MACROD2: variants seen among roughly 807,000 people sequenced by gnomAD.
MACROD2 encodes ADP-ribose glycohydrolase MACROD2.
Under a neutral mutation model 70.4 loss-of-function variants are expected in MACROD2, and 36 were observed. The ratio of observed to expected loss-of-function variants is 0.51; its 90% CI spans 0.39 to 0.68. MACROD2 has a LOEUF of 0.68. MACROD2 is among the 30% of genes least tolerant of loss of function. The pLI is 0.00. For synonymous variants in MACROD2, 172 were observed against 178.8 expected (o/e 0.96, Z 0.30); for missense variants, 496 against 538.4 (o/e 0.92, Z 0.78).
intron 12 of MACROD2, among the ~76,000 whole-genome samples, chr20:15,966,662 A>T (rs552212599): frequency 6.6e-6 from 1 of 152,324 alleles, no homozygotes; most frequent in African/African-American, 2.4e-5. Flanking sequence ...GGATCGCTTG[A>T]GCCCAGGAGT....
intron 4 of MACROD2, among the ~76,000 whole-genome samples, chr20:14,599,417 C>G (rs1982342718): frequency 6.6e-6 from 1 of 152,018 alleles, no homozygotes; most frequent in Non-Finnish European, 1.5e-5. Context: ...TGAAAGACAT[C>G]AGTGGAGTAA....
intron 17 of MACROD2, 82 bp from the exon 18 acceptor site, chr20:16,049,748 G>T (rs1238843745): frequency 2.2e-6 from 3 of 1,391,432 alleles, no homozygotes; most frequent in South Asian, 1.2e-5. Context: ...CATTTAAATG[G>T]CTGTATTAAA....
chr20:15,329,990 A>G (rs1232835941), intron 6 of MACROD2, among the ~76,000 whole-genome samples: 1 of 152,022 alleles, frequency 6.6e-6, no homozygotes, highest in African/African-American at 2.4e-5. Context: ...ATCTCTGAAG[A>G]CACCGGGACA....
At chr20:15,479,265 CTT>C (rs767435610) in intron 7 of MACROD2, among the ~76,000 whole-genome samples, 11 of 87,772 alleles carry the variant, frequency 1.3e-4, no homozygotes, top group African/African-American at 4.4e-4. Flanking sequence ...TTCTCGCTCT[CTT>C]TTTTTTTTTT....
chr20:15,540,717 A>T lies in MACROD2; in HGVS notation c.645+40870A>T, dbSNP rs371321778. On this transcript the variant is annotated intron_variant, in intron 8 of 17. Transcript: ENST00000684519. ...GAGGCTGGCAGTCTAAACTCAAGGT[A>T]TCGGCAGGGTTCCTTCTTTTTGAGG... Among the ~76,000 whole-genome samples, 22 of 152,204 alleles carry T rather than the reference A, an allele frequency of 1.4e-4. No individual in the cohort carries two copies. The East Asian group carries it at 2.3e-3, about 16-fold the overall frequency.
At chr20:15,703,145 G>C (rs1337621623) in intron 8 of MACROD2, among the ~76,000 whole-genome samples, 1 of 152,176 alleles carries the variant, frequency 6.6e-6, no homozygotes, top group Admixed American at 6.5e-5. Context: ...ATTAATCCAA[G>C]ATTGATTAAA....
At chr20:14,595,434 C>T (rs1226478123) in intron 4 of MACROD2, among the ~76,000 whole-genome samples, 1 of 152,162 alleles carries the variant, frequency 6.6e-6, no homozygotes, top group Non-Finnish European at 1.5e-5. Context: ...TTCTGTGGCT[C>T]CATCCCAGTG....
At chr20:14,871,957 A>C (rs2073493341) in intron 5 of MACROD2, among the ~76,000 whole-genome samples, 1 of 152,170 alleles carries the variant, frequency 6.6e-6, no homozygotes, top group South Asian at 2.1e-4. Context: ...GGTTCAATTC[A>C]GGAAGAAGAT....
chr20:15,331,196 C>T (rs1020188847), intron 6 of MACROD2, among the ~76,000 whole-genome samples: 2 of 151,640 alleles, frequency 1.3e-5, no homozygotes, highest in African/African-American at 4.9e-5. Flanking sequence ...CATTATTTTA[C>T]AGAAGCTCAT....
intron 8 of MACROD2, among the ~76,000 whole-genome samples, chr20:15,771,595 A>G (rs945625741): frequency 3.9e-5 from 6 of 152,046 alleles, no homozygotes; most frequent in Non-Finnish European, 7.4e-5. Context: ...CTGTATACAT[A>G]TGGAAAATTA....
intron 5 of MACROD2, among the ~76,000 whole-genome samples, chr20:14,756,928 T>C (rs894505706): frequency 6.6e-6 from 1 of 152,100 alleles, no homozygotes; most frequent in African/African-American, 2.4e-5. Flanking sequence ...TTTCTCATTC[T>C]TCTCTCTCCT....
chr20:14,981,430 A>G (rs770472688), intron 5 of MACROD2, among the ~76,000 whole-genome samples: 38 of 92,990 alleles, frequency 4.1e-4, no homozygotes, highest in Non-Finnish European at 8.1e-5. Context: ...ATATATGTAT[A>G]TGTATATATA....
At chr20:14,346,564 G>A (rs1601514374) in intron 3 of MACROD2, among the ~76,000 whole-genome samples, 1 of 152,260 alleles carries the variant, frequency 6.6e-6, no homozygotes, top group South Asian at 2.1e-4. Context: ...GCTCAGAGAG[G>A]TTACAGTTTT....
chr20:14,915,768 G>A (rs775027531), intron 5 of MACROD2, among the ~76,000 whole-genome samples: 9 of 152,168 alleles, frequency 5.9e-5, no homozygotes, highest in Non-Finnish European at 1.3e-4. Context: ...CCACAGCACG[G>A]TTGACAAAAT....
rs2052633709 is a variant in MACROD2, at chr20:13,995,909, G to T, written c.46+100G>T. The T allele has an allele frequency of 1.1e-5, 15 of 1,395,934 alleles. No homozygotes were observed. Among genetic ancestry groups the T allele is most frequent in the Non-Finnish European group, 1.5e-5 (15 of 1,011,164 alleles). The allele number at this position is 1,395,934 out of a possible 1,614,324, so 86.5% of individuals were successfully genotyped here. A position where few individuals can be genotyped will look rare whatever the true frequency, so the allele number is the denominator to read the frequency against. On this transcript the variant is annotated intron_variant, in intron 1 of 17. Coordinates refer to ENST00000684519, the MANE Select transcript of MACROD2 (RefSeq NM_001351661.2). This position sits in a 1 kb window ranked among gnomAD's most constrained non-coding sequence, Gnocchi z 4.3. ...CGCGGCGCCCTCCGCCCGAGCTCCC[G>T]CCTCGCGCCCTCCCGGCCGGTGCCG...
At chr20:14,861,349 T>A (rs1013274436) in intron 5 of MACROD2, among the ~76,000 whole-genome samples, 3 of 152,088 alleles carry the variant, frequency 2.0e-5, no homozygotes, top group African/African-American at 7.2e-5. Context: ...CAGGGAAACA[T>A]ACTAACAGCT....
intron 2 of MACROD2, among the ~76,000 whole-genome samples, chr20:14,053,890 G>A (rs1414004771): frequency 6.6e-6 from 1 of 152,036 alleles, no homozygotes; most frequent in African/African-American, 2.4e-5. Context: ...TAGTAAATAT[G>A]TTGTAATATT....
intron 4 of MACROD2, among the ~76,000 whole-genome samples, chr20:14,620,539 C>G (rs543670362): frequency 6.6e-6 from 1 of 151,868 alleles, no homozygotes; most frequent in Non-Finnish European, 1.5e-5. Flanking sequence ...ATTTAATGAG[C>G]CCAGAGGCAA....
intron 5 of MACROD2, among the ~76,000 whole-genome samples, chr20:15,077,516 G>T (rs2075667198): frequency 6.6e-6 from 1 of 152,196 alleles, no homozygotes; most frequent in Non-Finnish European, 1.5e-5. Flanking sequence ...AGTATTAGTA[G>T]TGTGGTAAAT....
Sources: allele counts gnomAD v4.1 joint callset (sites outside exome capture counted in the v4.1 genomes callset), GRCh38; gene constraint gnomAD v4.1.1; non-coding constraint Gnocchi (gnomAD v3.1); transcripts MANE v1.5; gene names NCBI Gene and HGNC (gene_info 2026-07-23, HGNC 2026-07-21).